The following NTRK3 variants were observed in gnomAD, a reference collection of about 807,000 sequenced individuals.
NTRK3 encodes the protein NT-3 growth factor receptor.
NTRK3 carries 24 observed loss-of-function variants against 91.7 expected under a neutral mutation model. The ratio of observed to expected loss-of-function variants is 0.26; its 90% CI spans 0.19 to 0.37. The LOEUF (loss-of-function observed/expected upper bound fraction) is 0.37. Ranked by LOEUF, NTRK3 falls within the 10% of genes least tolerant of loss-of-function variation. The probability of loss-of-function intolerance (pLI) is 1.00; values close to 1 mark genes in which losing one functional copy is unlikely to be tolerated. For missense variants in NTRK3, 880 were observed against 1,068.9 expected, an observed-to-expected ratio of 0.82 and a Z score of 2.46; for synonymous variants, 483 against 404.0, an observed-to-expected ratio of 1.20 and a Z score of -2.34.
At chr15:87,909,157 A>G (rs950678816) in intron 17 of NTRK3, among the ~76,000 whole-genome samples, 3 of 152,066 alleles carry the variant, frequency 2.0e-5, no homozygotes, top group African/African-American at 7.2e-5. Context: ...TGTCACCACC[A>G]TGGAGCCTCA....
At chr15:88,028,511 T>C (rs1380590056) in intron 14 of NTRK3, among the ~76,000 whole-genome samples, 1 of 151,814 alleles carries the variant, frequency 6.6e-6, no homozygotes, top group Non-Finnish European at 1.5e-5. Flanking sequence ...GACAGAGACC[T>C]ACAAGAGGTG....
chr15:88,008,078 G>A (rs2076617601), intron 14 of NTRK3, among the ~76,000 whole-genome samples: 1 of 152,166 alleles, frequency 6.6e-6, no homozygotes, highest in South Asian at 2.1e-4. Context: ...CTATTCAGAA[G>A]AGAAGTGTCC....
At chr15:88,143,727 G>A (rs773355921) in intron 6 of NTRK3, among the ~76,000 whole-genome samples, 10 of 152,228 alleles carry the variant, frequency 6.6e-5, no homozygotes, top group East Asian at 1.9e-4. Context: ...GTTTAGTGAC[G>A]TCTCCAAGAA....
At chr15:88,193,576 A>G (rs959941019) in intron 3 of NTRK3, among the ~76,000 whole-genome samples, 1 of 152,196 alleles carries the variant, frequency 6.6e-6, no homozygotes, top group African/African-American at 2.4e-5. Flanking sequence ...GGGCAAGGCC[A>G]GGAGGCTGTG....
intron 12 of NTRK3, 79 bp from the exon 13 acceptor site, chr15:88,126,452 T>C (rs2053293207): frequency 3.3e-6 from 3 of 906,886 alleles, no homozygotes; most frequent in African/African-American, 1.6e-5. Context: ...TGTGCCCAGA[T>C]AAGAACAGTC....
intron 5 of NTRK3, among the ~76,000 whole-genome samples, chr15:88,153,520 G>C (rs899883100): frequency 2.0e-5 from 3 of 152,132 alleles, no homozygotes; most frequent in African/African-American, 7.2e-5. Flanking sequence ...CTCCCAAAGT[G>C]CTGGGATTAC....
intron 3 of NTRK3, among the ~76,000 whole-genome samples, chr15:88,242,678 G>A (rs1388204309): frequency 6.6e-6 from 1 of 152,180 alleles, no homozygotes; most frequent in African/African-American, 2.4e-5. Context: ...ATGAAAGGGG[G>A]TAGACTCTCC....
chr15:87,973,934 CTGAAGGAACAAAGGCTCCGGCTCTT>C lies in NTRK3; in HGVS notation c.1586-33206_1586-33182del, dbSNP rs570707983. 1.4e-4 allele frequency among the ~76,000 whole-genome samples: 22 copies of C among 152,298 alleles called. No homozygotes were observed. The South Asian group carries it at 4.6e-3, about 32-fold the overall frequency. On this transcript the variant is annotated intron_variant, in intron 14 of 18. Transcript: ENST00000394480. ...GCCAGAGCACAGGAGTCAGTAAACC[CTGAAGGAACAAAGGCTCCGGCTCTT>C]TGCCTAATCCATGTCTGGCTCCGTG...
intron 6 of NTRK3, among the ~76,000 whole-genome samples, chr15:88,140,597 T>G (rs2042295939): frequency 6.6e-6 from 1 of 152,168 alleles, no homozygotes; most frequent in Non-Finnish European, 1.5e-5. Flanking sequence ...AAATTAACAC[T>G]GAGAAAGATG....
intron 3 of NTRK3, among the ~76,000 whole-genome samples, chr15:88,245,195 T>C (rs1396575965): frequency 1.3e-5 from 2 of 152,198 alleles, no homozygotes. Context: ...TCTAATCCCA[T>C]TCTTCAAGGA....
intron 15 of NTRK3, 67 bp from the exon 16 acceptor site, chr15:87,933,251 GA>G: frequency 6.7e-7 from 1 of 1,503,746 alleles, no homozygotes. Flanking sequence ...TCTACTCCTG[GA>G]AAGAAACTGG....
chr15:88,035,190 C>G (rs533499578), intron 13 of NTRK3, among the ~76,000 whole-genome samples: 13 of 152,276 alleles, frequency 8.5e-5, no homozygotes, highest in African/African-American at 3.1e-4. Flanking sequence ...GGAATATTTG[C>G]AGGCAGCCAG....
intron 6 of NTRK3, among the ~76,000 whole-genome samples, chr15:88,141,630 A>T (rs2042395701): frequency 6.6e-6 from 1 of 152,264 alleles, no homozygotes; most frequent in African/African-American, 2.4e-5. Context: ...GGAAAAGACT[A>T]GACAGGCGAG....
At chr15:87,910,098 C>T (rs2066999679) in intron 17 of NTRK3, among the ~76,000 whole-genome samples, 1 of 152,086 alleles carries the variant, frequency 6.6e-6, no homozygotes, top group East Asian at 1.9e-4. Context: ...TGTGGAAGGT[C>T]AGGAAGGAGA....
At chr15:88,122,749 C>T (rs1409296237) in intron 13 of NTRK3, among the ~76,000 whole-genome samples, 1 of 152,060 alleles carries the variant, frequency 6.6e-6, no homozygotes, top group Non-Finnish European at 1.5e-5. Flanking sequence ...ATGAGTTTTC[C>T]CTATCATCAT....
At chr15:87,995,635 C>A (rs980539413) in intron 14 of NTRK3, among the ~76,000 whole-genome samples, 2 of 151,894 alleles carry the variant, frequency 1.3e-5, no homozygotes, top group Admixed American at 6.6e-5. Context: ...AGGGGATGAC[C>A]AGAGAAAAGA....
chr15:87,985,402 G>T (rs1047462253), intron 14 of NTRK3, among the ~76,000 whole-genome samples: 1 of 152,176 alleles, frequency 6.6e-6, no homozygotes, highest in Non-Finnish European at 1.5e-5. Flanking sequence ...TGGACCCAAA[G>T]TGTTCCTACA....
chr15:87,894,226 G>A (rs374898321), intron 17 of NTRK3, among the ~76,000 whole-genome samples: 18 of 152,270 alleles, frequency 1.2e-4, no homozygotes, highest in East Asian at 7.7e-4. Flanking sequence ...GTCTGAGGAC[G>A]GCATCAGCTA....
At chr15:88,087,990 G>A (rs920707265) in intron 13 of NTRK3, among the ~76,000 whole-genome samples, 2 of 152,292 alleles carry the variant, frequency 1.3e-5, no homozygotes, top group African/African-American at 2.4e-5. Flanking sequence ...GGTAGAGGCT[G>A]CAGTGAGCCA....
Sources: gnomAD v4.1 joint callset for allele counts (sites outside exome capture counted in the v4.1 genomes callset) on GRCh38, gnomAD v4.1.1 for gene constraint, MANE v1.5 for transcripts, NCBI Gene and HGNC (gene_info 2026-07-23, HGNC 2026-07-21) for gene names.